The following RPS6KC1 variants were observed in gnomAD, a reference collection of about 807,000 sequenced individuals.
RPS6KC1 encodes the protein ribosomal protein S6 kinase C1.
In RPS6KC1, 54 loss-of-function variants were observed where a neutral mutation model predicts 103.8. The observed-to-expected ratio is 0.52, with a 90% confidence interval of 0.42 to 0.65. The LOEUF is 0.65. Among genes scored for constraint, RPS6KC1 ranks in the 30% least tolerant of loss-of-function variants. The pLI, the probability that RPS6KC1 is intolerant of heterozygous loss-of-function variation, is 0.00. For missense variants in RPS6KC1, 1,151 were observed against 1,253.8 expected, an observed-to-expected ratio of 0.92 and a Z score of 1.24; for synonymous variants, 439 against 438.7, an observed-to-expected ratio of 1.00 and a Z score of -0.01.
the RPS6KC1 span, among the ~76,000 whole-genome samples, chr1:213,828,502 T>C: frequency 1.3e-5 from 2 of 152,162 alleles, no homozygotes; most frequent in Admixed American, 6.5e-5. Flanking sequence ...ATAAACAGAA[T>C]AATCAGAAAC....
chr1:213,437,619 A>T, the RPS6KC1 span, among the ~76,000 whole-genome samples: 7 of 152,010 alleles, frequency 4.6e-5, no homozygotes, highest in East Asian at 1.3e-3. Flanking sequence ...TTTGTGGGTG[A>T]GTTTTAAACT....
At chr1:213,315,420 T>C in the RPS6KC1 span, among the ~76,000 whole-genome samples, 1 of 152,222 alleles carries the variant, frequency 6.6e-6, no homozygotes, top group Non-Finnish European at 1.5e-5. Flanking sequence ...CAAACAAAAA[T>C]GTTTTTTGGA....
At chr1:213,858,408 A>T in the RPS6KC1 span, among the ~76,000 whole-genome samples, 3 of 152,014 alleles carry the variant, frequency 2.0e-5, no homozygotes, top group South Asian at 4.2e-4. Flanking sequence ...TTTTTTTAGC[A>T]TCTTCAAGTC....
intron 4 of RPS6KC1, among the ~76,000 whole-genome samples, chr1:213,106,744 A>G (rs912906494): frequency 1.1e-4 from 16 of 152,206 alleles, no homozygotes; most frequent in East Asian, 5.8e-4. Flanking sequence ...ATGAACTTCT[A>G]TGACCCATGG....
chr1:213,856,057 C>T, the RPS6KC1 span, among the ~76,000 whole-genome samples: 5 of 152,304 alleles, frequency 3.3e-5, no homozygotes, highest in East Asian at 9.7e-4. Flanking sequence ...CACTCACTCC[C>T]TCTCCCAGAC....
intron 12 of RPS6KC1, among the ~76,000 whole-genome samples, chr1:213,252,666 G>C (rs561405410): frequency 1.3e-4 from 20 of 152,010 alleles, no homozygotes; most frequent in Admixed American, 4.6e-4. Context: ...AGAGAACTTT[G>C]GAATCCTTAA....
chr1:213,724,280 A>G, the RPS6KC1 span, among the ~76,000 whole-genome samples: 29,115 of 152,054 alleles, frequency 0.19, 3,342 homozygotes, highest in South Asian at 0.28. Flanking sequence ...GAGTTTCACT[A>G]TGTTGGCCAG....
At chr1:213,242,709 C>A (rs751873232) in intron 12 of RPS6KC1, 51 bp downstream of exon 12, 1 of 1,288,980 alleles carries the variant, frequency 7.8e-7, no homozygotes, top group Non-Finnish European at 1.1e-6. Flanking sequence ...TTCGGCAGCT[C>A]TCATTTCTTT....
chr1:213,485,415 C>A, the RPS6KC1 span, among the ~76,000 whole-genome samples: 2 of 152,036 alleles, frequency 1.3e-5, no homozygotes, highest in Admixed American at 1.3e-4. Flanking sequence ...AACCTGCCAC[C>A]CCCAATCCTT....
chr1:213,283,331 A>G, the RPS6KC1 span, among the ~76,000 whole-genome samples: 1 of 152,326 alleles, frequency 6.6e-6, no homozygotes, highest in South Asian at 2.1e-4. Context: ...AATCCCCCAC[A>G]AAAGCATGCA....
intron 12 of RPS6KC1, among the ~76,000 whole-genome samples, chr1:213,256,767 G>T (rs1437924624): frequency 6.6e-6 from 1 of 152,114 alleles, no homozygotes; most frequent in Non-Finnish European, 1.5e-5. Context: ...TATGGACCCT[G>T]GCAGAAGATT....
chr1:213,219,452 G>A (rs552718922), intron 8 of RPS6KC1, among the ~76,000 whole-genome samples: 31 of 152,260 alleles, frequency 2.0e-4, no homozygotes, highest in African/African-American at 5.1e-4. Flanking sequence ...TCAGTGTGGC[G>A]ATTCCTCAGG....
chr1:213,094,050 A>AT (rs1178338890), intron 3 of RPS6KC1, among the ~76,000 whole-genome samples: 9 of 147,180 alleles, frequency 6.1e-5, no homozygotes, highest in Non-Finnish European at 1.3e-4. Context: ...ATTTTTCCCC[A>AT]TTTTTTTTAA....
chr1:213,156,709 G>GA (rs2089929253), intron 6 of RPS6KC1, among the ~76,000 whole-genome samples: 2 of 152,202 alleles, frequency 1.3e-5, no homozygotes, highest in South Asian at 4.2e-4. Flanking sequence ...GAAAAAGGTG[G>GA]AAAAAACCTG....
the RPS6KC1 span, among the ~76,000 whole-genome samples, chr1:213,477,879 T>C: frequency 2.0e-5 from 3 of 152,178 alleles, no homozygotes. Context: ...CAACACATTA[T>C]TACCAACCAA....
intron 1 of RPS6KC1, among the ~76,000 whole-genome samples, chr1:213,052,130 A>G (rs1435658082): frequency 6.6e-6 from 1 of 152,204 alleles, no homozygotes; most frequent in African/African-American, 2.4e-5. Context: ...CTTTACATCA[A>G]CTAACTGGTC....
the RPS6KC1 span, among the ~76,000 whole-genome samples, chr1:213,590,463 G>A: frequency 6.6e-6 from 1 of 152,154 alleles, no homozygotes; most frequent in Non-Finnish European, 1.5e-5. Context: ...AGATTTTTGG[G>A]ATCACCACCA....
chr1:213,649,258 T>TAAAA, the RPS6KC1 span, among the ~76,000 whole-genome samples: 1 of 138,448 alleles, frequency 7.2e-6, no homozygotes, highest in Non-Finnish European at 1.5e-5. Flanking sequence ...AGTCTCCACT[T>TAAAA]AAAAAAAAAA....
At chr1:213,494,475 G>A in the RPS6KC1 span, among the ~76,000 whole-genome samples, 4 of 152,080 alleles carry the variant, frequency 2.6e-5, no homozygotes, top group Non-Finnish European at 2.9e-5. Context: ...TTTTAATAGC[G>A]GTACTTAGAA....
Sources: allele counts gnomAD v4.1 joint callset (sites outside exome capture counted in the v4.1 genomes callset), GRCh38; gene constraint gnomAD v4.1.1; transcripts MANE v1.5; gene names NCBI Gene and HGNC (gene_info 2026-07-23, HGNC 2026-07-21).